The following GPC6 variants were observed in gnomAD, a reference collection of about 807,000 sequenced individuals.
GPC6 encodes glypican 6.
Under a neutral mutation model 55.2 loss-of-function variants are expected in GPC6, and 14 were observed. The observed-to-expected ratio is 0.25, with a 90% CI of 0.17 to 0.40. GPC6 has a LOEUF of 0.40. Among genes scored for constraint, GPC6 ranks in the 10% least tolerant of loss-of-function variants. The pLI is 1.00. For missense variants in GPC6, 641 were observed against 708.5 expected, an observed-to-expected ratio of 0.90 and a Z score of 1.08; for synonymous variants, 278 against 259.6, an observed-to-expected ratio of 1.07 and a Z score of -0.68.
chr13:94,271,382 GCACACACACA>G lies in GPC6; in HGVS notation c.878-14949_878-14940del, dbSNP rs60762188. On this transcript the variant is annotated intron_variant, in intron 4 of 8. Coordinates refer to ENST00000377047, the MANE Select transcript of GPC6 (RefSeq NM_005708.5). ...CACACACACACGCGCGCGCGCGCGC[GCACACACACA>G]CACACACACACACACACTCCATCAT... is the stretch of plus-strand genomic sequence containing the variant. Among the ~76,000 whole-genome samples the G allele has an allele frequency of 2.4e-4, 30 of 126,758 alleles. No individual in the cohort carries two copies. In the East Asian group the frequency reaches 4.9e-3, roughly 21 times the overall value. 83.2% of individuals were successfully genotyped at this position (126,758 alleles called of 152,430 possible).
chr13:94,091,371 G>A (rs966616347), intron 4 of GPC6, among the ~76,000 whole-genome samples: 5 of 152,104 alleles, frequency 3.3e-5, no homozygotes, highest in Non-Finnish European at 5.9e-5. Context: ...AGAGGATTCT[G>A]ATCTTGTTAT....
chr13:93,989,310 G>A (rs1159187753), intron 3 of GPC6, among the ~76,000 whole-genome samples: 1 of 152,178 alleles, frequency 6.6e-6, no homozygotes, highest in East Asian at 1.9e-4. Flanking sequence ...GGGACCATGT[G>A]TTATTGGTAA....
intron 4 of GPC6, among the ~76,000 whole-genome samples, chr13:94,058,445 A>G (rs1884207631): frequency 6.6e-6 from 1 of 152,186 alleles, no homozygotes; most frequent in Non-Finnish European, 1.5e-5. Context: ...ACCTAAGCTA[A>G]TTTGGCTGTT....
intron 4 of GPC6, among the ~76,000 whole-genome samples, chr13:94,080,333 G>A (rs1461224635): frequency 1.3e-5 from 2 of 152,130 alleles, no homozygotes; most frequent in Non-Finnish European, 2.9e-5. Context: ...TGAAGAAAAA[G>A]CTGATAAGTA....
chr13:93,355,753 G>T (rs2139170440), intron 1 of GPC6, among the ~76,000 whole-genome samples: 1 of 152,300 alleles, frequency 6.6e-6, no homozygotes, highest in East Asian at 1.9e-4. Flanking sequence ...ACAGGGAGGT[G>T]TTGTAGCAGT....
chr13:93,548,804 T>A (rs867401754), intron 2 of GPC6, among the ~76,000 whole-genome samples: 50 of 152,258 alleles, frequency 3.3e-4, no homozygotes, highest in African/African-American at 1.1e-3. Flanking sequence ...TAATATCAAT[T>A]CCAGAAATTT....
chr13:94,091,607 C>T (rs1181257531), intron 4 of GPC6, among the ~76,000 whole-genome samples: 1 of 152,020 alleles, frequency 6.6e-6, no homozygotes, highest in Non-Finnish European at 1.5e-5. Context: ...CAGCCCAAGT[C>T]GACAAGCAAT....
At chr13:93,579,473 G>A (rs1406534062) in intron 2 of GPC6, among the ~76,000 whole-genome samples, 1 of 152,046 alleles carries the variant, frequency 6.6e-6, no homozygotes, top group Non-Finnish European at 1.5e-5. Flanking sequence ...AGGTGGAAGA[G>A]GAGGAAGAGG....
chr13:93,463,690 A>G (rs1406892062), intron 1 of GPC6, among the ~76,000 whole-genome samples: 2 of 152,062 alleles, frequency 1.3e-5, no homozygotes, highest in Non-Finnish European at 2.9e-5. Context: ...ATTAACCTGA[A>G]CCACATTCTG....
chr13:94,101,283 A>T (rs1318153809), intron 4 of GPC6, among the ~76,000 whole-genome samples: 3 of 152,246 alleles, frequency 2.0e-5, no homozygotes, highest in Non-Finnish European at 4.4e-5. Flanking sequence ...AACAACAGTA[A>T]ATGTTTGCAC....
At chr13:94,305,212 C>T (rs1201347116) in intron 5 of GPC6, among the ~76,000 whole-genome samples, 2 of 152,058 alleles carry the variant, frequency 1.3e-5, no homozygotes, top group East Asian at 1.9e-4. Context: ...AATACTGAAC[C>T]GTTGCAGCAA....
chr13:93,511,969 T>A (rs1019725800), intron 1 of GPC6, among the ~76,000 whole-genome samples: 1 of 152,098 alleles, frequency 6.6e-6, no homozygotes, highest in African/African-American at 2.4e-5. Flanking sequence ...CCTGCTTGAT[T>A]TCTTTGTTGA....
Position 93,798,937 on chromosome 13 carries a change from ATG to A in GPC6, c.320-31216_320-31215del, listed in dbSNP as rs1886289179. Among the ~76,000 whole-genome samples the A allele has an allele frequency of 2.0e-5, 3 of 149,940 alleles. No individual in the cohort carries two copies. In the East Asian group the frequency reaches 5.9e-4, roughly 29 times the overall value. ...CTGTCTCAAAAAAAAAAAAAAAAAA[ATG>A]GTGACAACAATTTAGTTAGCACATA... On this transcript the variant is annotated intron_variant, in intron 2 of 8. Transcript: ENST00000377047.
At chr13:94,012,316 G>A (rs1882279950) in intron 3 of GPC6, among the ~76,000 whole-genome samples, 1 of 152,102 alleles carries the variant, frequency 6.6e-6, no homozygotes, top group Non-Finnish European at 1.5e-5. Flanking sequence ...TTTGCAGGGT[G>A]AGGTTAAGAA....
At chr13:93,983,306 C>T (rs1404792638) in intron 3 of GPC6, among the ~76,000 whole-genome samples, 4 of 152,166 alleles carry the variant, frequency 2.6e-5, no homozygotes, top group Non-Finnish European at 5.9e-5. Context: ...TTCTCCTGAT[C>T]ACCAAACTGG....
At chr13:93,665,525 C>A (rs1881096232) in intron 2 of GPC6, among the ~76,000 whole-genome samples, 1 of 152,008 alleles carries the variant, frequency 6.6e-6, no homozygotes, top group Admixed American at 6.6e-5. Flanking sequence ...TAGTGAAGGA[C>A]TTTCTGCATT....
intron 3 of GPC6, among the ~76,000 whole-genome samples, chr13:93,868,107 G>A (rs138773338): frequency 3.3e-5 from 5 of 151,892 alleles, no homozygotes; most frequent in Admixed American, 6.6e-5. Context: ...ACTTGAGGGA[G>A]ACTTCACACA....
chr13:94,077,771 T>G (rs1243750106), intron 4 of GPC6, among the ~76,000 whole-genome samples: 1 of 151,936 alleles, frequency 6.6e-6, no homozygotes, highest in Non-Finnish European at 1.5e-5. Context: ...GTATTTCATA[T>G]TTATTGTTTT....
chr13:93,503,400 A>C (rs1265355902), intron 1 of GPC6, among the ~76,000 whole-genome samples: 5 of 152,200 alleles, frequency 3.3e-5, no homozygotes, highest in Non-Finnish European at 5.9e-5. Flanking sequence ...TTGCTAGCCA[A>C]AGGGCAACAT....
Sources: allele counts gnomAD v4.1 joint callset (sites outside exome capture counted in the v4.1 genomes callset), GRCh38; gene constraint gnomAD v4.1.1; transcripts MANE v1.5; gene names NCBI Gene and HGNC (gene_info 2026-07-23, HGNC 2026-07-21).